CDH18: variants seen among roughly 807,000 people sequenced by gnomAD.
The protein encoded by CDH18 is cadherin-18.
A neutral mutation model predicts 67.9 loss-of-function variants in CDH18; 31 were observed. The ratio of observed to expected loss-of-function variants is 0.46; its 90% CI spans 0.34 to 0.62. The LOEUF is 0.62. Among genes scored for constraint, CDH18 ranks in the 20% least tolerant of loss-of-function variants. The pLI, the probability that CDH18 is intolerant of heterozygous loss-of-function variation, is 0.01. For missense variants in CDH18, 890 were observed against 975.5 expected (o/e 0.91, Z 1.17); for synonymous variants, 362 against 347.2 (o/e 1.04, Z -0.48).
intron 3 of CDH18, among the ~76,000 whole-genome samples, chr5:19,806,328 C>T (rs534596492): frequency 1.3e-5 from 2 of 152,296 alleles, no homozygotes; most frequent in East Asian, 3.9e-4. Flanking sequence ...GCCTCTGCTT[C>T]TTGTCTTAAT....
At position 20,518,232 on chromosome 5, in the gene CDH18, T is replaced by C. The variant is rs535412702; in HGVS notation, c.-580+57230A>G. On this transcript the variant is annotated intron_variant, in intron 1 of 14. Transcript: ENST00000507958. ...AATTTTTGCCTGAAGTTCAGCCAAATCCAATTTTGCATCAGCTTCCTTCCT... is the reference window on the plus strand; with the variant it reads ...AATTTTTGCCTGAAGTTCAGCCAAACCCAATTTTGCATCAGCTTCCTTCCT... Among the ~76,000 whole-genome samples, 3 of 152,256 alleles carry C rather than the reference T, an allele frequency of 2.0e-5. No homozygotes were observed. In the South Asian group the frequency reaches 6.2e-4, roughly 32 times the overall value.
intron 1 of CDH18, among the ~76,000 whole-genome samples, chr5:20,442,738 G>A (rs1749697794): frequency 6.6e-6 from 1 of 151,850 alleles, no homozygotes; most frequent in South Asian, 2.1e-4. Flanking sequence ...GGGTCTCATA[G>A]GAAAAGCCTG....
intron 1 of CDH18, among the ~76,000 whole-genome samples, chr5:20,574,706 A>G (rs1759020501): frequency 6.6e-6 from 1 of 152,138 alleles, no homozygotes; most frequent in African/African-American, 2.4e-5. Context: ...TCTTCCCAGC[A>G]GAGGATTTAA....
chr5:19,684,092 A>G (rs1760722647), intron 5 of CDH18, among the ~76,000 whole-genome samples: 1 of 152,102 alleles, frequency 6.6e-6, no homozygotes, highest in Non-Finnish European at 1.5e-5. Flanking sequence ...TTTCCTTTCT[A>G]TAGTTTCTAA....
intron 7 of CDH18, among the ~76,000 whole-genome samples, chr5:19,580,756 T>C (rs140122721): frequency 2.0e-5 from 3 of 152,078 alleles, no homozygotes; most frequent in African/African-American, 7.2e-5. Flanking sequence ...CTGTAAGTGA[T>C]GTACTTGGGA....
intron 1 of CDH18, among the ~76,000 whole-genome samples, chr5:20,467,253 T>C (rs1254457482): frequency 6.6e-6 from 1 of 152,010 alleles, no homozygotes; most frequent in Admixed American, 6.6e-5. Flanking sequence ...GAGTGGTAAA[T>C]AAGGCTGCCC....
intron 2 of CDH18, among the ~76,000 whole-genome samples, chr5:19,854,546 C>T (rs1784058226): frequency 6.6e-6 from 1 of 151,988 alleles, no homozygotes; most frequent in African/African-American, 2.4e-5. Context: ...ACATATGTAG[C>T]TATTAATGTA....
intron 1 of CDH18, among the ~76,000 whole-genome samples, chr5:20,460,357 A>G (rs548196910): frequency 1.3e-5 from 2 of 151,742 alleles, no homozygotes; most frequent in Admixed American, 6.6e-5. Context: ...ACGCCACTGC[A>G]CTCCCGCCTG....
chr5:19,736,247 C>T (rs897784306), intron 4 of CDH18, among the ~76,000 whole-genome samples: 7 of 151,980 alleles, frequency 4.6e-5, no homozygotes, highest in Admixed American at 1.3e-4. Context: ...AACAATTAGC[C>T]GGGCATGGTA....
intron 10 of CDH18, among the ~76,000 whole-genome samples, chr5:19,505,947 C>T (rs1188927973): frequency 6.6e-6 from 1 of 152,070 alleles, no homozygotes; most frequent in Non-Finnish European, 1.5e-5. Flanking sequence ...CCATCTAGTC[C>T]TGGACTTTTT....
intron 1 of CDH18, among the ~76,000 whole-genome samples, chr5:20,553,997 C>T (rs185645258): frequency 1.1e-3 from 175 of 152,286 alleles, no homozygotes; most frequent in African/African-American, 4.2e-3. Context: ...CATGTTGGTA[C>T]AATTTGAACT....
chr5:20,346,620 G>A (rs1740720414), intron 1 of CDH18, among the ~76,000 whole-genome samples: 1 of 152,246 alleles, frequency 6.6e-6, no homozygotes, highest in East Asian at 1.9e-4. Flanking sequence ...ACAGTGGTGC[G>A]AGGGATGTAT....
intron 1 of CDH18, among the ~76,000 whole-genome samples, chr5:20,405,482 C>T (rs1364050749): frequency 6.6e-6 from 1 of 152,128 alleles, no homozygotes; most frequent in Admixed American, 6.5e-5. Flanking sequence ...ACCATAAAAA[C>T]CTGAGAAGAA....
chr5:20,555,408 CTTTTTTTTTTTTTTTTTTTTTTTTTTT>C (rs774396694), intron 1 of CDH18, among the ~76,000 whole-genome samples: 13 of 103,660 alleles, frequency 1.3e-4, no homozygotes, highest in African/African-American at 2.5e-4. Context: ...ACAAGCTTTT[CTTTTTTTTTTTTTTTTTTTTTTTTTTT>C]TTTTTTTTTT....
At chr5:19,915,652 C>T (rs1210919295) in intron 2 of CDH18, among the ~76,000 whole-genome samples, 1 of 151,940 alleles carries the variant, frequency 6.6e-6, no homozygotes, top group East Asian at 1.9e-4. Context: ...AATTCATTTA[C>T]AGTATTATAC....
intron 2 of CDH18, among the ~76,000 whole-genome samples, chr5:19,921,849 T>C (rs937272869): frequency 2.0e-5 from 3 of 152,170 alleles, no homozygotes; most frequent in African/African-American, 7.2e-5. Context: ...TTCTCCAGTT[T>C]TAATTTCTAA....
Position 19,708,012 on chromosome 5 carries a change from C to A in CDH18, c.643+13335G>T, listed in dbSNP as rs185686021. ...GAAGTGTGGCAAGAGTTCCTATTAT[C>A]TGGAAACATGGCGGTATAGTGGCAC... On this transcript the variant is annotated intron_variant, in intron 5 of 12. Transcript: ENST00000382275. 1.7e-3 allele frequency among the ~76,000 whole-genome samples: 254 copies of A among 152,290 alleles called. 1 individual carries two copies. The highest frequency in any genetic ancestry group is 5.9e-3 in the African/African-American group (246 of 41,576).
At chr5:20,344,615 A>G (rs1740553499) in intron 1 of CDH18, among the ~76,000 whole-genome samples, 1 of 152,036 alleles carries the variant, frequency 6.6e-6, no homozygotes, top group African/African-American at 2.4e-5. Context: ...CTGTGCCTAG[A>G]GACTACAGTT....
intron 1 of CDH18, among the ~76,000 whole-genome samples, chr5:20,368,109 A>G (rs1394851116): frequency 6.6e-6 from 1 of 152,196 alleles, no homozygotes; most frequent in African/African-American, 2.4e-5. Flanking sequence ...ACATTTAATT[A>G]CCATTTTTCA....
Sources: allele counts gnomAD v4.1 joint callset (sites outside exome capture counted in the v4.1 genomes callset), GRCh38; gene constraint gnomAD v4.1.1; transcripts MANE v1.5; gene names NCBI Gene and HGNC (gene_info 2026-07-23, HGNC 2026-07-21).